CFAP77: variants seen among roughly 807,000 people sequenced by gnomAD.
CFAP77 encodes the protein cilia and flagella associated protein 77.
In CFAP77, 25 loss-of-function variants were observed where a neutral mutation model predicts 31.1. That is an observed-to-expected ratio of 0.80 (90% CI 0.59 to 1.12). The LOEUF (loss-of-function observed/expected upper bound fraction) is 1.12, where lower values mean the gene tolerates loss of function less well. CFAP77 is among the 50% of genes most tolerant of loss of function. The pLI is 0.00. For synonymous variants in CFAP77, 151 were observed against 159.9 expected, an observed-to-expected ratio of 0.94 and a Z score of 0.42; for missense variants, 377 against 397.3, an observed-to-expected ratio of 0.95 and a Z score of 0.44.
intron 1 of CFAP77, among the ~76,000 whole-genome samples, chr9:132,475,719 C>A (rs1851337814): frequency 6.6e-6 from 1 of 152,224 alleles, no homozygotes; most frequent in Non-Finnish European, 1.5e-5. Flanking sequence ...GAGGCCTGAG[C>A]ATTGCTCTCC....
chr9:132,561,276 G>T (rs913316955), intron 5 of CFAP77, among the ~76,000 whole-genome samples: 1 of 151,798 alleles, frequency 6.6e-6, no homozygotes, highest in Non-Finnish European at 1.5e-5. Context: ...CTGAGCAGTT[G>T]TCACTTAAAA....
chr9:132,534,156 TGACC>T (rs1564243839), intron 3 of CFAP77, among the ~76,000 whole-genome samples: 4 of 152,188 alleles, frequency 2.6e-5, no homozygotes, highest in Non-Finnish European at 5.9e-5. Flanking sequence ...TGCTGCAGCA[TGACC>T]CATCTGCTGG....
At position 132,565,282 on chromosome 9, in the gene CFAP77, GC is replaced by G. The variant is rs143012930; in HGVS notation, c.733-7103del. ...CTTGCTCCTTCATCCTCCCCAGAGA[GC>G]CCTTCCTGAGCCCCAGATGGAGGTA... On this transcript the variant is annotated intron_variant, in intron 5 of 5. Coordinates refer to ENST00000393216, the MANE Select transcript of CFAP77 (RefSeq NM_001282957.2). This position sits in a 1 kb window ranked among gnomAD's most constrained non-coding sequence, Gnocchi z 4.1. Among the ~76,000 whole-genome samples, 1,005 of 151,848 alleles carry G rather than the reference GC, an allele frequency of 6.6e-3. 11 individuals are homozygous for G. The highest frequency in any genetic ancestry group is 0.023 in the African/African-American group (961 of 41,380).
chr9:132,464,516 G>A (rs773689916), intron 1 of CFAP77, among the ~76,000 whole-genome samples: 11 of 152,172 alleles, frequency 7.2e-5, no homozygotes, highest in South Asian at 6.3e-4. Context: ...CATTCAATAC[G>A]TAAAAAAGAA....
intron 1 of CFAP77, among the ~76,000 whole-genome samples, chr9:132,496,512 C>T (rs1365454129): frequency 1.3e-5 from 2 of 152,362 alleles, no homozygotes; most frequent in Middle Eastern, 3.4e-3. Flanking sequence ...CGACCTGTCC[C>T]CAGCCCTGGC....
chr9:132,430,164 T>C (rs1197609662), intron 1 of CFAP77, among the ~76,000 whole-genome samples: 1 of 152,192 alleles, frequency 6.6e-6, no homozygotes, highest in Non-Finnish European at 1.5e-5. Flanking sequence ...GTCTAATTTC[T>C]ATCATTCATA....
At chr9:132,410,525 CGG>C in intron 1 of CFAP77, 59 bp downstream of exon 1, 1 of 1,425,704 alleles carries the variant, frequency 7.0e-7, no homozygotes, top group South Asian at 1.4e-5. Flanking sequence ...CCTGCGCCGC[CGG>C]GGGTCCCCAC....
chr9:132,443,257 G>T (rs1453042277), intron 1 of CFAP77, among the ~76,000 whole-genome samples: 48 of 138,652 alleles, frequency 3.5e-4, no homozygotes, highest in Middle Eastern at 3.9e-3. Context: ...TTTTATTTTT[G>T]TTTTTTTTTT....
chr9:132,422,674 A>G (rs944616), intron 1 of CFAP77, among the ~76,000 whole-genome samples: 37,745 of 152,132 alleles, frequency 0.25, 5,633 homozygotes, highest in African/African-American at 0.39. Flanking sequence ...GAGGCTGGGC[A>G]GGAAGTCAGA....
Position 132,416,176 on chromosome 9 carries a change from C to A in CFAP77, c.195+5710C>A, listed in dbSNP as rs116001965. Among the ~76,000 whole-genome samples the A allele has an allele frequency of 5.3e-3, 799 of 152,164 alleles. 8 individuals carry two copies. The highest frequency in any genetic ancestry group is 0.019 in the African/African-American group (778 of 41,498). ...ACCTGGGCTGTGTTAAACCTTAGAC[C>A]CGTCTGCTGGGCTCTCACTCCTGCC... is the stretch of plus-strand genomic sequence containing the variant. On this transcript the variant is annotated intron_variant, in intron 1 of 5. Transcript: ENST00000393216.
chr9:132,554,822 C>T lies in CFAP77; in HGVS notation c.732+11775C>T, dbSNP rs1852872406. Among the ~76,000 whole-genome samples the T allele has an allele frequency of 6.6e-6, 1 of 152,128 alleles. No homozygotes were observed. The highest frequency in any genetic ancestry group is 6.6e-5 in the Admixed American group (1 of 15,262). ...TTCCTAAGGGCTGTGTTGCCTCATC[C>T]CCAGACTCCTGACCCACTCATCTGT... On this transcript the variant is annotated intron_variant, in intron 5 of 5. Transcript: ENST00000393216. This position sits in a 1 kb window ranked among gnomAD's most constrained non-coding sequence, Gnocchi z 4.1.
chr9:132,548,844 G>C (rs1323938715), intron 5 of CFAP77, among the ~76,000 whole-genome samples: 1 of 152,086 alleles, frequency 6.6e-6, no homozygotes, highest in African/African-American at 2.4e-5. Context: ...TTTGGTTTCA[G>C]CCCCACTGCT....
chr9:132,460,897 T>C (rs1300242114), intron 1 of CFAP77, among the ~76,000 whole-genome samples: 1 of 152,106 alleles, frequency 6.6e-6, no homozygotes, highest in Non-Finnish European at 1.5e-5. Flanking sequence ...AGCTAATTTT[T>C]GTATTTTTAG....
intron 1 of CFAP77, among the ~76,000 whole-genome samples, chr9:132,448,651 A>G (rs973775882): frequency 1.3e-5 from 2 of 152,110 alleles, no homozygotes; most frequent in Admixed American, 6.5e-5. Flanking sequence ...CAATGGTGCA[A>G]TCTCGGCTCA....
rs779980459 is a variant in CFAP77, at chr9:132,410,430, G to A, written c.159G>A (p.Val53=). The change falls in exon 1 of 6, where the codon GTG becomes GTA. Residue 53 remains valine (V), a synonymous_variant. Coordinates refer to ENST00000393216, the MANE Select transcript of CFAP77 (RefSeq NM_001282957.2). Reference sequence around the variant, plus strand: ...TGGAGAACGAGCGGCTGGGGGTCGTGCGGGACTCCATGTTTCAGAACCCTC... The same window carrying A: ...TGGAGAACGAGCGGCTGGGGGTCGTACGGGACTCCATGTTTCAGAACCCTC... ...SGMENERLGV[V]RDSMFQNPLI... 3 of 1,597,480 alleles carry A rather than the reference G, an allele frequency of 1.9e-6. No homozygotes were observed. Among genetic ancestry groups the A allele is most frequent in the Non-Finnish European group, 2.6e-6 (3 of 1,173,728 alleles).
chr9:132,522,510 C>T (rs573786165), intron 3 of CFAP77, among the ~76,000 whole-genome samples: 64 of 152,236 alleles, frequency 4.2e-4, no homozygotes, highest in African/African-American at 1.2e-3. Flanking sequence ...AGGGGCTCTC[C>T]GCCTGGGGCA....
At chr9:132,465,094 GAAAA>G (rs920426277) in intron 1 of CFAP77, among the ~76,000 whole-genome samples, 4 of 134,180 alleles carry the variant, frequency 3.0e-5, no homozygotes, top group African/African-American at 1.2e-4. Flanking sequence ...AAAAAAAAAA[GAAAA>G]AAAGAAAGAA....
intron 1 of CFAP77, among the ~76,000 whole-genome samples, chr9:132,413,119 G>A (rs764072433): frequency 2.6e-5 from 4 of 152,120 alleles, no homozygotes; most frequent in African/African-American, 4.8e-5. Context: ...GGGTTGTTTC[G>A]TGGGTTGTTT....
intron 1 of CFAP77, among the ~76,000 whole-genome samples, chr9:132,475,597 G>C (rs1298596673): frequency 2.0e-5 from 3 of 152,120 alleles, no homozygotes. Context: ...TCTCGGTTAG[G>C]AGCAGGAAGA....
Sources: allele counts gnomAD v4.1 joint callset (sites outside exome capture counted in the v4.1 genomes callset), GRCh38; gene constraint gnomAD v4.1.1; non-coding constraint Gnocchi (gnomAD v3.1); transcripts MANE v1.5; gene names NCBI Gene and HGNC (gene_info 2026-07-23, HGNC 2026-07-21).